OVCH1: variants seen among roughly 807,000 people sequenced by gnomAD.
The protein encoded by OVCH1 is ovochymase-1.
In OVCH1, 139 loss-of-function variants were observed where a neutral mutation model predicts 138.4. The observed-to-expected ratio is 1.00, with a 90% CI of 0.87 to 1.16. The LOEUF is 1.16. OVCH1 is among the 50% of genes most tolerant of loss of function. The pLI, the probability that OVCH1 is intolerant of heterozygous loss-of-function variation, is 0.00. For missense variants in OVCH1, 1,367 were observed against 1,357.9 expected, an observed-to-expected ratio of 1.01 and a Z score of -0.11; for synonymous variants, 453 against 467.8, an observed-to-expected ratio of 0.97 and a Z score of 0.41.
At chr12:29,495,066 A>G (rs1045182403) in intron 4 of OVCH1, among the ~76,000 whole-genome samples, 1 of 152,192 alleles carries the variant, frequency 6.6e-6, no homozygotes, top group Non-Finnish European at 1.5e-5. Context: ...AAAGGGAAAA[A>G]ATGTTGATTG....
At chr12:29,476,982 G>T in intron 12 of OVCH1, 120 bp downstream of exon 12, 1 of 1,201,872 alleles carries the variant, frequency 8.3e-7, no homozygotes, top group East Asian at 2.7e-5. Flanking sequence ...AAAAAAAATG[G>T]CAAATGGCTA....
At chr12:29,417,987 A>G (rs1489859670) in intron 3 of OVCH1, among the ~76,000 whole-genome samples, 1 of 152,242 alleles carries the variant, frequency 6.6e-6, no homozygotes, top group African/African-American at 2.4e-5. Context: ...GCAGAGGAAC[A>G]GTTAAAGAAT....
At chr12:29,405,059 A>G in the OVCH1 span, among the ~76,000 whole-genome samples, 4 of 140,072 alleles carry the variant, frequency 2.9e-5, no homozygotes, top group Non-Finnish European at 4.7e-5. Context: ...AAAAAAAACA[A>G]AAGAAATGAT....
At chr12:29,456,487 T>G (rs774376953) in intron 19 of OVCH1, among the ~76,000 whole-genome samples, 3 of 152,210 alleles carry the variant, frequency 2.0e-5, no homozygotes, top group Non-Finnish European at 2.9e-5. Flanking sequence ...CTCTTGAATA[T>G]TTCTCTCAAT....
At chr12:29,413,515 T>A (rs1196541129) in intron 3 of OVCH1, among the ~76,000 whole-genome samples, 1 of 152,200 alleles carries the variant, frequency 6.6e-6, no homozygotes, top group Non-Finnish European at 1.5e-5. Flanking sequence ...TTATATCTAA[T>A]ACATATTTTT....
intron 8 of OVCH1, among the ~76,000 whole-genome samples, chr12:29,480,903 G>A (rs772946582): frequency 9.9e-5 from 15 of 152,200 alleles, no homozygotes; most frequent in South Asian, 2.1e-4. Flanking sequence ...CCCTATACTC[G>A]TTTCTAAAGC....
At chr12:29,479,566 G>C (rs1167456492) in intron 8 of OVCH1, among the ~76,000 whole-genome samples, 1 of 152,044 alleles carries the variant, frequency 6.6e-6, no homozygotes, top group Non-Finnish European at 1.5e-5. Context: ...ATAAATCCTA[G>C]TGGGCCATAA....
In OVCH1 at chr12:29,431,505, GTCTT is replaced by G. The variant is rs538999471; in HGVS notation, c.3327+2242_3327+2245del. On this transcript the variant is annotated intron_variant, in intron 27 of 27. Coordinates refer to ENST00000318184, the Ensembl canonical transcript of OVCH1. Reference sequence around the variant, plus strand: ...CATGTTTTAATGTAAATCTTGCAAAGTCTTTCTATGCTGTATATGTTTAAAAAAT... The same window carrying G: ...CATGTTTTAATGTAAATCTTGCAAAGTCTATGCTGTATATGTTTAAAAAAT... Among the ~76,000 whole-genome samples, 15 of 152,150 alleles carry G rather than the reference GTCTT, an allele frequency of 9.9e-5. No individual in the cohort carries two copies. In the South Asian group the frequency reaches 2.3e-3, roughly 23 times the overall value.
intron 16 of OVCH1, among the ~76,000 whole-genome samples, chr12:29,466,027 C>T (rs568988958): frequency 2.9e-5 from 4 of 139,498 alleles, no homozygotes; most frequent in African/African-American, 5.5e-5. Context: ...TGTTCTCACT[C>T]GTAGGTGGGA....
intron 27 of OVCH1, among the ~76,000 whole-genome samples, chr12:29,428,249 C>T (rs1233692393): frequency 6.6e-6 from 1 of 152,220 alleles, no homozygotes; most frequent in East Asian, 1.9e-4. Flanking sequence ...AGCCAGGCCT[C>T]CTTTTGACTG....
intron 24 of OVCH1, among the ~76,000 whole-genome samples, chr12:29,443,703 T>A (rs558240607): frequency 1.8e-4 from 28 of 152,186 alleles, no homozygotes; most frequent in African/African-American, 6.7e-4. Context: ...TTGCCAAAAT[T>A]TATAAAGTTC....
exon 17 of OVCH1, chr12:29,465,151 T>G: frequency 1.2e-6 from 2 of 1,600,634 alleles, no homozygotes; most frequent in Non-Finnish European, 1.7e-6. Flanking sequence ...TTTCACCTGC[T>G]CTGTTGATTC....
At chr12:29,412,764 T>C (rs1410755818) in intron 3 of OVCH1, 1 of 152,216 alleles carries the variant, frequency 6.6e-6, no homozygotes, top group Non-Finnish European at 1.5e-5. Flanking sequence ...GTAAATATCA[T>C]TTAATCTATA....
chr12:29,420,007 G>T (rs144764483), intron 3 of OVCH1, among the ~76,000 whole-genome samples: 10 of 152,316 alleles, frequency 6.6e-5, no homozygotes, highest in Non-Finnish European at 1.5e-4. Flanking sequence ...TATTTGAGCA[G>T]ATAGAAGGAA....
At chr12:29,425,535 G>A (rs963402052), downstream of OVCH1, among the ~76,000 whole-genome samples, 1 of 152,154 alleles carries the variant, frequency 6.6e-6, no homozygotes, top group Non-Finnish European at 1.5e-5. Flanking sequence ...TGACTACCAC[G>A]TGGTTAGAAT....
intron 1 of OVCH1, among the ~76,000 whole-genome samples, chr12:29,497,394 G>A (rs1178560445): frequency 6.6e-6 from 1 of 152,192 alleles, no homozygotes; most frequent in Admixed American, 6.5e-5. Flanking sequence ...ATGATTAGCA[G>A]GTGTGCCTAC....
At chr12:29,413,255 T>C (rs1940984169) in intron 3 of OVCH1, among the ~76,000 whole-genome samples, 1 of 152,164 alleles carries the variant, frequency 6.6e-6, no homozygotes, top group Non-Finnish European at 1.5e-5. Flanking sequence ...ACCAGTTTGC[T>C]CCAGGTATTA....
chr12:29,476,116 C>G, intron 13 of OVCH1, 90 bp downstream of exon 13: 3 of 1,018,422 alleles, frequency 2.9e-6, no homozygotes, highest in Middle Eastern at 2.1e-4. Flanking sequence ...CATTCCCACT[C>G]TACGTTCTGG....
chr12:29,430,366 C>T (rs1404233584), intron 27 of OVCH1, among the ~76,000 whole-genome samples: 3 of 152,142 alleles, frequency 2.0e-5, no homozygotes, highest in Non-Finnish European at 4.4e-5. Context: ...TAGGCGGGCC[C>T]CTAGAACTCC....
Sources: allele counts gnomAD v4.1 joint callset (sites outside exome capture counted in the v4.1 genomes callset), GRCh38; gene constraint gnomAD v4.1.1; transcripts MANE v1.5; gene names NCBI Gene and HGNC (gene_info 2026-07-23, HGNC 2026-07-21).